The following IQGAP2 variants were observed in gnomAD, a reference collection of about 807,000 sequenced individuals.
IQGAP2 encodes ras GTPase-activating-like protein IQGAP2.
Under a neutral mutation model 201.3 loss-of-function variants are expected in IQGAP2, and 173 were observed. The observed-to-expected ratio is 0.86, with a 90% CI of 0.76 to 0.98. The LOEUF is 0.98. Ranked by LOEUF, IQGAP2 falls within the 50% of genes least tolerant of loss-of-function variation. IQGAP2 has a pLI of 0.00. For synonymous variants in IQGAP2, 675 were observed against 673.9 expected (o/e 1.00, Z -0.03); for missense variants, 1,687 against 1,864.8 (o/e 0.90, Z 1.76).
intron 2 of IQGAP2, among the ~76,000 whole-genome samples, chr5:76,484,900 C>T (rs1216112274): frequency 2.0e-5 from 3 of 152,170 alleles, no homozygotes; most frequent in Non-Finnish European, 4.4e-5. Flanking sequence ...GGCATGATCA[C>T]GACTCATTGC....
At chr5:76,655,911 G>A (rs2937411) in intron 20 of IQGAP2, among the ~76,000 whole-genome samples, 96,458 of 152,006 alleles carry the variant, frequency 0.63, 30,877 homozygotes, top group South Asian at 0.82. Flanking sequence ...TAATTATCAC[G>A]GGAACATGCA....
At chr5:76,536,422 A>G (rs891981960) in intron 2 of IQGAP2, among the ~76,000 whole-genome samples, 2 of 151,804 alleles carry the variant, frequency 1.3e-5, no homozygotes, top group Non-Finnish European at 2.9e-5. Flanking sequence ...TGGGCAAAAG[A>G]CTTCCTGTTA....
Position 76,611,198 on chromosome 5 carries a change from A to G in IQGAP2, c.1521+15A>G, listed in dbSNP as rs1748377715. 1.9e-6 allele frequency: 3 copies of G among 1,590,978 alleles called. No individual in the cohort carries two copies. Among genetic ancestry groups the G allele is most frequent in the Non-Finnish European group, 2.6e-6 (3 of 1,167,722 alleles). ...AGAAACTCGGAGTAAGTTTTAGTAT[A>G]TCTGTTTCTTTTAAATTTTACAGGC... On this transcript the variant is annotated intron_variant, in intron 13 of 35. Coordinates refer to ENST00000274364, the MANE Select transcript of IQGAP2 (RefSeq NM_006633.5).
chr5:76,460,962 C>T (rs758332568), intron 1 of IQGAP2, among the ~76,000 whole-genome samples: 6 of 150,746 alleles, frequency 4.0e-5, no homozygotes, highest in Non-Finnish European at 5.9e-5. Flanking sequence ...CTCCACCTCC[C>T]AGGTTCAAGT....
intron 2 of IQGAP2, among the ~76,000 whole-genome samples, chr5:76,559,402 C>A (rs1412637961): frequency 6.6e-6 from 1 of 152,188 alleles, no homozygotes; most frequent in Non-Finnish European, 1.5e-5. Flanking sequence ...CCACTGTCAG[C>A]ACATTACTCC....
At chr5:76,618,751 A>T in intron 13 of IQGAP2, 1 of 1,023,414 alleles carries the variant, frequency 9.8e-7, no homozygotes, top group East Asian at 2.6e-5. Context: ...GATCATTTTT[A>T]TTTTAAAAAG....
intron 2 of IQGAP2, among the ~76,000 whole-genome samples, chr5:76,505,239 G>A (rs530772472): frequency 5.3e-5 from 8 of 152,302 alleles, no homozygotes; most frequent in East Asian, 1.9e-4. Context: ...AGGAATGAGC[G>A]GATGAATGAA....
At chr5:76,692,007 ACT>A (rs1342683216) in intron 30 of IQGAP2, among the ~76,000 whole-genome samples, 1 of 152,158 alleles carries the variant, frequency 6.6e-6, no homozygotes, top group African/African-American at 2.4e-5. Flanking sequence ...TCATGTAATG[ACT>A]CTGAAATAAC....
chr5:76,481,371 C>G (rs1755785662), intron 2 of IQGAP2, among the ~76,000 whole-genome samples: 1 of 151,694 alleles, frequency 6.6e-6, no homozygotes, highest in Admixed American at 6.6e-5. Context: ...AATACATAAT[C>G]AATGTACAAA....
At chr5:76,431,546 C>A (rs114683094) in intron 1 of IQGAP2, among the ~76,000 whole-genome samples, 2 of 151,886 alleles carry the variant, frequency 1.3e-5, no homozygotes, top group African/African-American at 2.4e-5. Flanking sequence ...CAGTCTTGGC[C>A]GGGCACGGTG....
At chr5:76,525,663 C>A (rs1758927929) in intron 2 of IQGAP2, among the ~76,000 whole-genome samples, 1 of 152,044 alleles carries the variant, frequency 6.6e-6, no homozygotes. Flanking sequence ...TCTGTGGAAC[C>A]CCTCTCAGAA....
At chr5:76,487,415 TTGAA>T (rs1219688762) in intron 2 of IQGAP2, among the ~76,000 whole-genome samples, 1 of 152,166 alleles carries the variant, frequency 6.6e-6, no homozygotes, top group Non-Finnish European at 1.5e-5. Flanking sequence ...TATTGTCAGT[TTGAA>T]TGGGGGGATG....
intron 13 of IQGAP2, among the ~76,000 whole-genome samples, chr5:76,626,950 G>C (rs1750297958): frequency 6.6e-6 from 1 of 152,218 alleles, no homozygotes; most frequent in Non-Finnish European, 1.5e-5. Context: ...GTGAGGTGCA[G>C]CCAGAGAGGC....
At chr5:76,680,855 A>C (rs1467955402) in intron 28 of IQGAP2, among the ~76,000 whole-genome samples, 1 of 150,698 alleles carries the variant, frequency 6.6e-6, no homozygotes, top group African/African-American at 2.4e-5. Flanking sequence ...CTGTAATCCC[A>C]GCATGTTGGG....
At chr5:76,525,535 A>G (rs1307489594) in intron 2 of IQGAP2, among the ~76,000 whole-genome samples, 2 of 151,946 alleles carry the variant, frequency 1.3e-5, no homozygotes, top group South Asian at 4.1e-4. Flanking sequence ...AGGGAGGAAA[A>G]TACAGTGTGA....
chr5:76,642,296 G>A lies in IQGAP2; in HGVS notation c.2094+1193G>A, dbSNP rs75128581. On this transcript the variant is annotated intron_variant, in intron 17 of 35. Transcript: ENST00000274364. ...TGTTGCAGTTGGAAGATATACCACA[G>A]AGCCCACCAGTACAGAATCCCTCTA... 8.6e-3 allele frequency among the ~76,000 whole-genome samples: 1,316 copies of A among 152,244 alleles called. 21 individuals carry two copies. The highest frequency in any genetic ancestry group is 0.029 in the African/African-American group (1,223 of 41,542).
chr5:76,530,386 A>G (rs1441896327), intron 2 of IQGAP2, among the ~76,000 whole-genome samples: 1 of 152,250 alleles, frequency 6.6e-6, no homozygotes, highest in Admixed American at 6.5e-5. Context: ...GTGAAAAGAA[A>G]GTTTACCCAG....
chr5:76,515,198 T>C (rs1758237688), intron 2 of IQGAP2, among the ~76,000 whole-genome samples: 1 of 152,254 alleles, frequency 6.6e-6, no homozygotes, highest in South Asian at 2.1e-4. Context: ...TCATGCTTCT[T>C]CACATGCTTA....
intron 1 of IQGAP2, among the ~76,000 whole-genome samples, chr5:76,418,111 G>A (rs1216888920): frequency 1.1e-4 from 16 of 150,790 alleles, no homozygotes; most frequent in Admixed American, 9.9e-4. Context: ...GGAGGCTGAG[G>A]CAGGAGAATC....
Sources: gnomAD v4.1 joint callset for allele counts (sites outside exome capture counted in the v4.1 genomes callset) on GRCh38, gnomAD v4.1.1 for gene constraint, MANE v1.5 for transcripts, NCBI Gene and HGNC (gene_info 2026-07-23, HGNC 2026-07-21) for gene names.